The following ASPH variants were observed in gnomAD, a reference collection of about 807,000 sequenced individuals.
ASPH encodes aspartate beta-hydroxylase, also known as aspartyl/asparaginyl beta-hydroxylase.
Under a neutral mutation model 118.4 loss-of-function variants are expected in ASPH, and 100 were observed. The observed-to-expected ratio is 0.84, with a 90% confidence interval of 0.72 to 1.00. The LOEUF (loss-of-function observed/expected upper bound fraction) is 1.00. ASPH is among the 50% of genes least tolerant of loss of function. ASPH has a pLI of 0.00. For missense variants in ASPH, 920 were observed against 919.5 expected (o/e 1.00, Z -0.01); for synonymous variants, 315 against 325.6 (o/e 0.97, Z 0.35).
rs1280386553 is a variant in ASPH at position 61,579,752 on chromosome 8, C to A, written c.1063-2894G>T. 3.5e-5 allele frequency: 30 copies of A among 852,712 alleles called. No homozygotes were observed. The Admixed American group carries it at 4.3e-4, about 12-fold the overall frequency. The allele number at this position is 852,712 out of a possible 1,614,324, so 52.8% of individuals were successfully genotyped here. A position where few individuals can be genotyped will look rare whatever the true frequency, so the allele number is the denominator to read the frequency against. ...AAGGAGGCCACTATTCAGGGTAGCACTGGGAACAGGAGACCCACCTGAGGC... is the reference window on the plus strand; with the variant it reads ...AAGGAGGCCACTATTCAGGGTAGCAATGGGAACAGGAGACCCACCTGAGGC... On this transcript the variant is annotated intron_variant, in intron 15 of 24. Coordinates refer to ENST00000379454, the MANE Select transcript of ASPH (RefSeq NM_004318.4).
At chr8:61,689,603 CACTGAAAAT>C (rs1831954783) in intron 1 of ASPH, 17 of 1,431,744 alleles carry the variant, frequency 1.2e-5, no homozygotes, top group Admixed American at 2.0e-5. Flanking sequence ...AACAGAGCAC[CACTGAAAAT>C]AAAGTGAAAA....
intron 14 of ASPH, among the ~76,000 whole-genome samples, chr8:61,589,256 T>C (rs1164337636): frequency 6.6e-6 from 1 of 152,208 alleles, no homozygotes; most frequent in Non-Finnish European, 1.5e-5. Context: ...TCCTTCTTAA[T>C]GAACCTGACT....
chr8:61,516,880 C>A (rs1353299227), intron 24 of ASPH: 1 of 152,198 alleles, frequency 6.6e-6, no homozygotes, highest in African/African-American at 2.4e-5. Flanking sequence ...ATCTAACATT[C>A]ATCACGTCCC....
At chr8:61,647,810 C>G (rs1181431534) in intron 5 of ASPH, among the ~76,000 whole-genome samples, 1 of 152,214 alleles carries the variant, frequency 6.6e-6, no homozygotes, top group Non-Finnish European at 1.5e-5. Context: ...TGCCCACTTT[C>G]TCTTCTGTGA....
intron 18 of ASPH, 36 bp downstream of exon 18, chr8:61,562,708 T>C: frequency 6.5e-7 from 1 of 1,544,810 alleles, no homozygotes; most frequent in South Asian, 1.3e-5. Flanking sequence ...GCCTTAGAAC[T>C]TAATTTGACG....
intron 14 of ASPH, among the ~76,000 whole-genome samples, chr8:61,616,295 C>T (rs931706071): frequency 6.6e-6 from 1 of 152,078 alleles, no homozygotes; most frequent in Admixed American, 6.5e-5. Context: ...GGGGAAGGTA[C>T]GGGCTGCTAA....
intron 1 of ASPH, among the ~76,000 whole-genome samples, chr8:61,696,498 C>T (rs554693631): frequency 2.0e-5 from 3 of 152,188 alleles, no homozygotes; most frequent in South Asian, 2.1e-4. Context: ...GCCTGTCATA[C>T]GAATTTGTGA....
intron 18 of ASPH, 80 bp downstream of exon 18, chr8:61,562,664 A>C: frequency 7.6e-7 from 1 of 1,318,222 alleles, no homozygotes; most frequent in East Asian, 2.6e-5. Context: ...TAAAATAAAG[A>C]GAGACTGGGT....
intron 15 of ASPH, chr8:61,578,792 T>C (rs878951119): frequency 1.5e-4 from 238 of 1,598,454 alleles, no homozygotes; most frequent in South Asian, 5.4e-4. Context: ...AGATGGAGAA[T>C]GAATTTGTCC....
intron 2 of ASPH, chr8:61,682,621 C>A: frequency 1.3e-6 from 1 of 753,596 alleles, no homozygotes; most frequent in Non-Finnish European, 2.1e-6. Flanking sequence ...AGAAATTTGT[C>A]TCCAGACTAA....
At chr8:61,558,355 T>C (rs1017410883) in intron 18 of ASPH, among the ~76,000 whole-genome samples, 44 of 151,934 alleles carry the variant, frequency 2.9e-4, no homozygotes, top group Admixed American at 2.4e-3. Context: ...AAAGGGATAG[T>C]GGGCCAGGAA....
chr8:61,647,529 T>C (rs1218077682), intron 5 of ASPH, among the ~76,000 whole-genome samples: 1 of 151,860 alleles, frequency 6.6e-6, no homozygotes, highest in Non-Finnish European at 1.5e-5. Context: ...AAATTAGTCA[T>C]GCATGGTGGC....
chr8:61,560,655 C>A (rs1829484146), intron 18 of ASPH, among the ~76,000 whole-genome samples: 1 of 151,868 alleles, frequency 6.6e-6, no homozygotes. Context: ...TTTAGACTTT[C>A]TGCATCCTAT....
At chr8:61,653,230 T>C (rs540369847) in intron 4 of ASPH, among the ~76,000 whole-genome samples, 1 of 152,270 alleles carries the variant, frequency 6.6e-6, no homozygotes, top group South Asian at 2.1e-4. Flanking sequence ...ATGATAACAC[T>C]AGTAGTGTAG....
In ASPH at chr8:61,663,700, A is replaced by G. The variant is rs10095066; in HGVS notation, c.323-10040T>C. On this transcript the variant is annotated intron_variant, in intron 3 of 24. Coordinates refer to ENST00000379454, the MANE Select transcript of ASPH (RefSeq NM_004318.4). ...TAAAACTCGAAGTTATCAGGTTACA[A>G]TATCTTCAGGCCTTAATTTTTAAGC... 1.6e-3 allele frequency: 1,549 copies of G among 979,082 alleles called. 14 individuals carry two copies. In the African/African-American group the frequency reaches 0.02, roughly 12 times the overall value. The allele number at this position is 979,082 out of a possible 1,614,324, so 60.6% of individuals were successfully genotyped here. A position where few individuals can be genotyped will look rare whatever the true frequency, so the allele number is the denominator to read the frequency against.
chr8:61,615,776 A>G (rs1195274805), intron 14 of ASPH, among the ~76,000 whole-genome samples: 1 of 152,218 alleles, frequency 6.6e-6, no homozygotes, highest in African/African-American at 2.4e-5. Context: ...GATGTCTGCA[A>G]ATGAGGGCCT....
At chr8:61,665,237 AT>A in intron 3 of ASPH, 1 of 1,562,174 alleles carries the variant, frequency 6.4e-7, no homozygotes, top group Non-Finnish European at 8.6e-7. Context: ...TTCTGGGATG[AT>A]GATGCCAGAG....
In ASPH at chr8:61,555,936, G is replaced by A. The variant is rs575763342; in HGVS notation, c.1524C>T (p.Ile508=). The change falls in exon 19 of 25, where the codon ATC becomes ATT. Residue 508 remains isoleucine, a synonymous_variant. Coordinates refer to ENST00000379454, the MANE Select transcript of ASPH (RefSeq NM_004318.4). ...LKAQNKIAES[I]PYLKEGIESG... ...CAGTGAGCATTACCTTTAAATATGG[G>A]ATGCTCTCAGCAATTTTGTTCTGTG... 8 of 1,613,732 alleles carry A rather than the reference G, an allele frequency of 5.0e-6. No homozygotes were observed. In the African/African-American group the frequency reaches 1.1e-4, roughly 22 times the overall value.
rs73682330 is a variant in ASPH, at chr8:61,615,590, T to C, written c.976+3388A>G. On this transcript the variant is annotated intron_variant, in intron 14 of 24. Coordinates refer to ENST00000379454, the MANE Select transcript of ASPH (RefSeq NM_004318.4). The stretch of plus-strand genomic sequence containing the variant: ...TACTCAATAAATGGATGAACACGAA[T>C]GACTGTTTGAATTTGACATTTAACA... Among the ~76,000 whole-genome samples, 786 of 152,352 alleles carry C rather than the reference T, an allele frequency of 5.2e-3. 10 individuals are homozygous for C. The highest frequency in any genetic ancestry group is 0.017 in the African/African-American group (715 of 41,578).
Sources: gnomAD v4.1 joint callset for allele counts (sites outside exome capture counted in the v4.1 genomes callset) on GRCh38, gnomAD v4.1.1 for gene constraint, MANE v1.5 for transcripts, NCBI Gene and HGNC (gene_info 2026-07-23, HGNC 2026-07-21) for gene names.